UHMK1: variants seen among roughly 807,000 people sequenced by gnomAD.
UHMK1 encodes the protein U2AF homology motif kinase 1.
UHMK1 carries 18 observed loss-of-function variants against 44.0 expected under a neutral mutation model. That is an observed-to-expected ratio of 0.41 (90% CI 0.28 to 0.61). UHMK1 has a LOEUF of 0.61. Ranked by LOEUF, UHMK1 falls within the 20% of genes least tolerant of loss-of-function variation. UHMK1 has a pLI of 0.31. For synonymous variants in UHMK1, 231 were observed against 198.5 expected, an observed-to-expected ratio of 1.16 and a Z score of -1.38; for missense variants, 463 against 522.5, an observed-to-expected ratio of 0.89 and a Z score of 1.11.
Position 162,512,804 on chromosome 1 carries a change from G to A in UHMK1, c.1005G>A (p.Glu335=), listed in dbSNP as rs754799651. Residue 335 remains glutamate, a synonymous_variant, in exon 6 of 8, where the codon GAG becomes GAA. Coordinates refer to ENST00000489294, the MANE Select transcript of UHMK1 (RefSeq NM_175866.5). ...ATGTGCTGGATGATGATTATCTTGA[G>A]AATGAAGAGGAATATGAAGGTTAGT... is the stretch of plus-strand genomic sequence containing the variant. ...LLNVLDDDYL[E]NEEEYEDVVE... 4.3e-5 allele frequency: 69 copies of A among 1,613,966 alleles called. No individual in the cohort carries two copies. The highest frequency in any genetic ancestry group is 5.8e-5 in the Non-Finnish European group (69 of 1,179,986).
Position 162,526,175 on chromosome 1 carries a change from ATAAC to A in UHMK1, c.*3630_*3633del, listed in dbSNP as rs1557949799. ...TTGTTTTAGTTAATTTATCATGCAG[ATAAC>A]TAACATTTGGGTATCTTTTTGTTTT... On this transcript the variant is annotated 3_prime_UTR_variant, in exon 8 of 8. Transcript: ENST00000489294. The A allele has an allele frequency of 6.6e-6, 1 of 152,036 alleles. No homozygotes were observed. Among genetic ancestry groups the A allele is most frequent in the Non-Finnish European group, 1.5e-5 (1 of 68,006 alleles). 9.4% of individuals were successfully genotyped at this position (152,036 alleles called of 1,614,324 possible).
chr1:162,527,837 G>T lies in UHMK1; in HGVS notation c.*5287G>T, dbSNP rs1012993656. On this transcript the variant is annotated 3_prime_UTR_variant, in exon 8 of 8. Coordinates refer to ENST00000489294, the MANE Select transcript of UHMK1 (RefSeq NM_175866.5). ...TTATTTGTCTTATAAACCATTAATC[G>T]TTTTTTGTGCAGAAGAGAGCTTATT... is the stretch of plus-strand genomic sequence containing the variant. 1 of 151,566 alleles carries T rather than the reference G, an allele frequency of 6.6e-6. No homozygotes were observed. Among genetic ancestry groups the T allele is most frequent in the Non-Finnish European group, 1.5e-5 (1 of 67,836 alleles). 9.4% of individuals were successfully genotyped at this position (151,566 alleles called of 1,614,324 possible). A position where few individuals can be genotyped will look rare whatever the true frequency, so the allele number is the denominator to read the frequency against.
intron 7 of UHMK1, among the ~76,000 whole-genome samples, chr1:162,520,175 T>C (rs1253789984): frequency 6.6e-6 from 1 of 152,248 alleles, no homozygotes; most frequent in Admixed American, 6.5e-5. Context: ...ATTAAAGGCG[T>C]GAGCCACTGT....
At chr1:162,510,599 A>G (rs1413731702) in intron 4 of UHMK1, among the ~76,000 whole-genome samples, 1 of 150,402 alleles carries the variant, frequency 6.6e-6, no homozygotes, top group East Asian at 1.9e-4. Context: ...GTGTATATAT[A>G]TATCATATTT....
At chr1:162,519,194 T>G (rs1557946743) in intron 7 of UHMK1, among the ~76,000 whole-genome samples, 1 of 151,798 alleles carries the variant, frequency 6.6e-6, no homozygotes, top group Non-Finnish European at 1.5e-5. Flanking sequence ...GGCAGGTGCC[T>G]ATAGTCCCAG....
Position 162,526,817 on chromosome 1 carries a change from A to T in UHMK1, c.*4267A>T, listed in dbSNP as rs2101690865. 1 of 152,062 alleles carries T rather than the reference A, an allele frequency of 6.6e-6. No homozygotes were observed. Among genetic ancestry groups the T allele is most frequent in the African/African-American group, 2.4e-5 (1 of 41,500 alleles). 9.4% of individuals were successfully genotyped at this position (152,062 alleles called of 1,614,324 possible). A position where few individuals can be genotyped will look rare whatever the true frequency, so the allele number is the denominator to read the frequency against. On this transcript the variant is annotated 3_prime_UTR_variant, in exon 8 of 8. Coordinates refer to ENST00000489294, the MANE Select transcript of UHMK1 (RefSeq NM_175866.5). ...CTGGCAGAATTTAATTCTTCCTTGGATCTCTAGTTCTGTTTTTAATATCAG... is the reference window on the plus strand; with the variant it reads ...CTGGCAGAATTTAATTCTTCCTTGGTTCTCTAGTTCTGTTTTTAATATCAG...
At chr1:162,515,836 C>T (rs952480313) in intron 6 of UHMK1, among the ~76,000 whole-genome samples, 1 of 151,994 alleles carries the variant, frequency 6.6e-6, no homozygotes, top group Non-Finnish European at 1.5e-5. Context: ...AGATCGAGAC[C>T]ATCCTGGTTA....
At position 162,523,031 on chromosome 1, in the gene UHMK1, T is replaced by G. The variant is rs1032182823; in HGVS notation, c.*481T>G. 6.4e-6 allele frequency: 1 copy of G among 156,736 alleles called. No individual in the cohort carries two copies. Among genetic ancestry groups the G allele is most frequent in the Admixed American group, 6.1e-5 (1 of 16,406 alleles). The allele number at this position is 156,736 out of a possible 1,614,324, so 9.7% of individuals were successfully genotyped here. On this transcript the variant is annotated 3_prime_UTR_variant, in exon 8 of 8. Coordinates refer to ENST00000489294, the MANE Select transcript of UHMK1 (RefSeq NM_175866.5). ...ATGTTAAGTAATTGTCAAGCAGCAG[T>G]TACCTACTGTGTTCTTAACACTGAG...
At position 162,524,065 on chromosome 1, in the gene UHMK1, GACAAGTTATAT is replaced by G. The variant is rs896207376; in HGVS notation, c.*1519_*1529del. On this transcript the variant is annotated 3_prime_UTR_variant, in exon 8 of 8. Transcript: ENST00000489294. ...AGCACTGATTATACCAAAAAAAAAA[GACAAGTTATAT>G]ACAGGTTATTAATTTTTTTATTTAT... is the stretch of plus-strand genomic sequence containing the variant. The G allele has an allele frequency of 6.6e-6, 1 of 151,226 alleles. No individual in the cohort carries two copies. Among genetic ancestry groups the G allele is most frequent in the African/African-American group, 2.4e-5 (1 of 41,214 alleles). The allele number at this position is 151,226 out of a possible 1,614,324, so 9.4% of individuals were successfully genotyped here.
rs762796850 is a variant in UHMK1, at chr1:162,503,742, C to A, written c.754-12C>A. ...TGAATAACCAAAGGAAAACTTTTCTCCGTTTTTTAAGGCAAACAGTTCTGC... is the reference window on the plus strand; with the variant it reads ...TGAATAACCAAAGGAAAACTTTTCTACGTTTTTTAAGGCAAACAGTTCTGC... On this transcript the variant is annotated splice_polypyrimidine_tract_variant and intron_variant, in intron 3 of 7. Coordinates refer to ENST00000489294, the MANE Select transcript of UHMK1 (RefSeq NM_175866.5). 3 of 1,611,566 alleles carry A rather than the reference C, an allele frequency of 1.9e-6. No homozygotes were observed. Among genetic ancestry groups the A allele is most frequent in the Non-Finnish European group, 2.5e-6 (3 of 1,178,308 alleles).
In UHMK1 at chr1:162,498,251, A is replaced by C. The variant is rs781046831; in HGVS notation, c.251A>C (p.Gln84Pro). 1 of 1,600,350 alleles carries C rather than the reference A, an allele frequency of 6.2e-7. No individual in the cohort carries two copies. Among genetic ancestry groups the C allele is most frequent in the African/African-American group, 1.3e-5 (1 of 74,410 alleles). Residue 84 changes from glutamine (Q) to proline (P), a missense_variant, in exon 1 of 8, where the codon CAG (glutamine) becomes CCG (proline). Physicochemically the swap from Gln to Pro is moderately conservative, Grantham distance 76. This residue lies in a region of UHMK1 where 191 missense variants were observed against 176.0 expected (regional missense o/e 1.09). Transcript: ENST00000489294. The stretch of plus-strand genomic sequence containing the variant: ...GAGAGGGCGGCGCTGGAACAGTTGC[A>C]GGGTCACAGAAACATCGGTAATTGC... ...RKERAALEQL[Q>P]GHRNIVTLYG... is the part of the protein sequence containing the mutation.
At chr1:162,508,418 C>T (rs939918941) in intron 4 of UHMK1, among the ~76,000 whole-genome samples, 1 of 150,554 alleles carries the variant, frequency 6.6e-6, no homozygotes, top group Non-Finnish European at 1.5e-5. Context: ...GGCCATTTAG[C>T]TCATTTTGAA....
In UHMK1 at chr1:162,525,061, G is replaced by C. The variant is rs964730020; in HGVS notation, c.*2511G>C. On this transcript the variant is annotated 3_prime_UTR_variant, in exon 8 of 8. Transcript: ENST00000489294. ...AGGCGCTTGCCACCACACCTGGCTAGATGTTTTATATTAAAGCCAGAGAAT... is the reference window on the plus strand; with the variant it reads ...AGGCGCTTGCCACCACACCTGGCTACATGTTTTATATTAAAGCCAGAGAAT... 10 of 151,992 alleles carry C rather than the reference G, an allele frequency of 6.6e-5. No homozygotes were observed. Among genetic ancestry groups the C allele is most frequent in the Non-Finnish European group, 1.3e-4 (9 of 67,990 alleles). The allele number at this position is 151,992 out of a possible 1,614,324, so 9.4% of individuals were successfully genotyped here.
chr1:162,506,010 C>G (rs547124723), intron 4 of UHMK1, among the ~76,000 whole-genome samples: 1 of 152,048 alleles, frequency 6.6e-6, no homozygotes, highest in Admixed American at 6.6e-5. Flanking sequence ...TGATTTATTC[C>G]TATTTCACCA....
At chr1:162,497,222 T>A, upstream of UHMK1, 1 of 700,686 alleles carries the variant, frequency 1.4e-6, no homozygotes, top group Non-Finnish European at 2.6e-6. Context: ...AGCCTCCAGG[T>A]ACCAGGCTTC....
rs1013576999 is a variant in UHMK1 at position 162,523,011 on chromosome 1, A to G, written c.*461A>G. On this transcript the variant is annotated 3_prime_UTR_variant, in exon 8 of 8. Coordinates refer to ENST00000489294, the MANE Select transcript of UHMK1 (RefSeq NM_175866.5). Reference sequence around the variant, plus strand: ...GGCACTGGATGCTCTCAGTAATGTTAAGTAATTGTCAAGCAGCAGTTACCT... The same window carrying G: ...GGCACTGGATGCTCTCAGTAATGTTGAGTAATTGTCAAGCAGCAGTTACCT... 2.5e-5 allele frequency: 4 copies of G among 157,450 alleles called. No homozygotes were observed. Among genetic ancestry groups the G allele is most frequent in the African/African-American group, 7.2e-5 (3 of 41,464 alleles). The allele number at this position is 157,450 out of a possible 1,614,324, so 9.8% of individuals were successfully genotyped here.
In UHMK1 at chr1:162,518,139, T is replaced by C. The variant is rs1265382519; in HGVS notation, c.1062T>C (p.Tyr354=). The change falls in exon 7 of 8, where the codon TAT becomes TAC. Residue 354 remains tyrosine (Y), a synonymous_variant. Transcript: ENST00000489294. ...ATGTAAAAGAGGAGTGTCAAAAATA[T>C]GGACCAGTGGTATCTCTACTTGTTC... ...VEDVKEECQK[Y]GPVVSLLVPK... 7 of 1,613,346 alleles carry C rather than the reference T, an allele frequency of 4.3e-6. No homozygotes were observed. The highest frequency in any genetic ancestry group is 1.1e-5 in the South Asian group (1 of 91,062).
intron 3 of UHMK1, 77 bp from the exon 4 acceptor site, chr1:162,503,677 T>C: frequency 2.2e-6 from 2 of 897,122 alleles, no homozygotes; most frequent in Non-Finnish European, 3.5e-6. Context: ...CATTTTACTC[T>C]CAAATAGTGC....
intron 7 of UHMK1, among the ~76,000 whole-genome samples, chr1:162,518,664 G>C (rs1651929111): frequency 1.4e-5 from 2 of 140,926 alleles, no homozygotes; most frequent in South Asian, 4.5e-4. Flanking sequence ...CCTGGGCCAG[G>C]AGAAATGAGT....
Sources: gnomAD v4.1 joint callset for allele counts (sites outside exome capture counted in the v4.1 genomes callset) on GRCh38, gnomAD v4.1.1 for gene constraint, gnomAD v4.1.1 regional missense constraint, MANE v1.5 for transcripts, NCBI Gene and HGNC (gene_info 2026-07-23, HGNC 2026-07-21) for gene names.